SCHIP1: variants seen among roughly 807,000 people sequenced by gnomAD.
SCHIP1 encodes the protein schwannomin-interacting protein 1.
SCHIP1 carries 8 observed loss-of-function variants against 29.7 expected under a neutral mutation model. The observed-to-expected ratio is 0.27, with a 90% CI of 0.16 to 0.49. The LOEUF (loss-of-function observed/expected upper bound fraction) is 0.49. SCHIP1 is among the 20% of genes least tolerant of loss of function. The pLI is 0.99. For synonymous variants in SCHIP1, 76 were observed against 94.9 expected, an observed-to-expected ratio of 0.80 and a Z score of 1.16; for missense variants, 193 against 294.6, an observed-to-expected ratio of 0.66 and a Z score of 2.52.
At chr3:159,500,577 G>A in the SCHIP1 span, among the ~76,000 whole-genome samples, 3 of 151,956 alleles carry the variant, frequency 2.0e-5, no homozygotes, top group African/African-American at 4.8e-5. Flanking sequence ...AGCTGGGTGT[G>A]GTGGCGGGCA....
the SCHIP1 span, among the ~76,000 whole-genome samples, chr3:159,610,264 A>G: frequency 1.3e-5 from 2 of 152,286 alleles, no homozygotes; most frequent in East Asian, 3.9e-4. Flanking sequence ...AGTGGTAAAT[A>G]GCAGCAAACG....
chr3:159,320,015 G>A, the SCHIP1 span, among the ~76,000 whole-genome samples: 1 of 152,168 alleles, frequency 6.6e-6, no homozygotes, highest in East Asian at 1.9e-4. Context: ...TAATGTGATG[G>A]CATTAGAAGG....
the SCHIP1 span, among the ~76,000 whole-genome samples, chr3:159,610,979 A>T: frequency 6.6e-6 from 1 of 152,138 alleles, no homozygotes; most frequent in Non-Finnish European, 1.5e-5. Flanking sequence ...TTCCATATTT[A>T]TTATGACATT....
At chr3:159,584,463 A>G in the SCHIP1 span, among the ~76,000 whole-genome samples, 5 of 152,332 alleles carry the variant, frequency 3.3e-5, no homozygotes. Flanking sequence ...TAAAACACAC[A>G]TACAGCAGAG....
the SCHIP1 span, among the ~76,000 whole-genome samples, chr3:159,641,227 A>G: frequency 2.0e-5 from 3 of 152,166 alleles, no homozygotes; most frequent in African/African-American, 4.8e-5. Flanking sequence ...TCCCTCCAAC[A>G]TGGAAATTTG....
chr3:159,312,730 G>T, the SCHIP1 span, among the ~76,000 whole-genome samples: 1 of 152,068 alleles, frequency 6.6e-6, no homozygotes, highest in Non-Finnish European at 1.5e-5. Flanking sequence ...TCTCTGGGAG[G>T]TGCCTGGTCC....
At chr3:159,742,035 G>A in the SCHIP1 span, among the ~76,000 whole-genome samples, 1 of 152,166 alleles carries the variant, frequency 6.6e-6, no homozygotes, top group East Asian at 1.9e-4. Flanking sequence ...TTCAAGACCA[G>A]CTTGGCCAAC....
the SCHIP1 span, among the ~76,000 whole-genome samples, chr3:159,460,811 TA>T: frequency 6.6e-6 from 1 of 152,070 alleles, no homozygotes; most frequent in Non-Finnish European, 1.5e-5. Flanking sequence ...TGGCTGGAGA[TA>T]AAATAGGAAA....
chr3:159,621,010 C>T, the SCHIP1 span, among the ~76,000 whole-genome samples: 2 of 152,152 alleles, frequency 1.3e-5, no homozygotes, highest in Admixed American at 6.5e-5. Flanking sequence ...TTTCAACATG[C>T]CTTTTATAAG....
chr3:159,381,538 A>G, the SCHIP1 span, among the ~76,000 whole-genome samples: 1 of 152,042 alleles, frequency 6.6e-6, no homozygotes, highest in Non-Finnish European at 1.5e-5. Flanking sequence ...GAATATGAAC[A>G]CTTCTTCCCA....
chr3:159,447,077 C>T, the SCHIP1 span, among the ~76,000 whole-genome samples: 6 of 152,212 alleles, frequency 3.9e-5, no homozygotes, highest in South Asian at 8.3e-4. Context: ...TATCAGTATG[C>T]ATTTGACAAT....
chr3:159,610,940 T>C, the SCHIP1 span, among the ~76,000 whole-genome samples: 1 of 151,948 alleles, frequency 6.6e-6, no homozygotes, highest in Admixed American at 6.5e-5. Context: ...ATCTTATTTT[T>C]ATCTAGCAGT....
the SCHIP1 span, among the ~76,000 whole-genome samples, chr3:159,425,594 G>A: frequency 6.6e-6 from 1 of 152,074 alleles, no homozygotes; most frequent in Non-Finnish European, 1.5e-5. Context: ...TTAATAATGG[G>A]AGACTTTAAC....
the SCHIP1 span, among the ~76,000 whole-genome samples, chr3:159,384,021 G>T: frequency 6.6e-6 from 1 of 151,232 alleles, no homozygotes; most frequent in Non-Finnish European, 1.5e-5. Context: ...GAGACAATGG[G>T]GTTTTCTAGA....
chr3:159,891,453 G>T (rs1200056769), intron 5 of SCHIP1, among the ~76,000 whole-genome samples: 2 of 152,180 alleles, frequency 1.3e-5, no homozygotes, highest in East Asian at 1.9e-4. Context: ...TGTCTCTATA[G>T]ATTTCATTCC....
At chr3:159,398,695 GTT>G in the SCHIP1 span, 1 of 152,110 alleles carries the variant, frequency 6.6e-6, no homozygotes, top group African/African-American at 2.4e-5. Context: ...ACTGATAATT[GTT>G]TGAATCTGAT....
At chr3:159,721,244 C>A in the SCHIP1 span, among the ~76,000 whole-genome samples, 1 of 152,158 alleles carries the variant, frequency 6.6e-6, no homozygotes, top group South Asian at 2.1e-4. Context: ...TGACCAAGAA[C>A]AAATGTTAAG....
At chr3:159,420,602 G>A in the SCHIP1 span, among the ~76,000 whole-genome samples, 1 of 152,148 alleles carries the variant, frequency 6.6e-6, no homozygotes, top group Non-Finnish European at 1.5e-5. Flanking sequence ...TCTTCTTCAT[G>A]GATGATTTGA....
the SCHIP1 span, among the ~76,000 whole-genome samples, chr3:159,503,428 C>A: frequency 6.6e-6 from 1 of 152,090 alleles, no homozygotes; most frequent in African/African-American, 2.4e-5. Flanking sequence ...GGAAATATTG[C>A]TTTCATATTT....
Sources: gnomAD v4.1 joint callset for allele counts (sites outside exome capture counted in the v4.1 genomes callset) on GRCh38, gnomAD v4.1.1 for gene constraint, MANE v1.5 for transcripts, NCBI Gene and HGNC (gene_info 2026-07-23, HGNC 2026-07-21) for gene names.